Variants in CHD5 observed in about 807,000 individuals in gnomAD.
The protein encoded by CHD5 is chromodomain helicase DNA binding protein 5.
In CHD5, 69 loss-of-function variants were observed where a neutral mutation model predicts 230.3. The ratio of observed to expected loss-of-function variants is 0.30; its 90% CI spans 0.25 to 0.37. CHD5 has a LOEUF of 0.37. CHD5 is among the 10% of genes least tolerant of loss of function. The pLI is 1.00. For synonymous variants in CHD5, 1,064 were observed against 1,065.9 expected, an observed-to-expected ratio of 1.00 and a Z score of 0.03; for missense variants, 1,827 against 2,622.8, an observed-to-expected ratio of 0.70 and a Z score of 6.63.
chr1:6,170,754 G>A (rs1667325179), intron 1 of CHD5, among the ~76,000 whole-genome samples: 1 of 152,214 alleles, frequency 6.6e-6, no homozygotes, highest in Admixed American at 6.5e-5. Flanking sequence ...CTGATCACTA[G>A]TGTGGAAAGG....
rs748643039 is a variant in CHD5, at chr1:6,122,883, A to G, written c.4699+1065T>C. Among the ~76,000 whole-genome samples the G allele has an allele frequency of 5.3e-4, 81 of 152,192 alleles. 1 individual carries two copies. The highest frequency in any genetic ancestry group is 1.9e-4 in the Non-Finnish European group (13 of 68,036). ...TCAGGAATTCAAGACCAGCCTGGCCAACATGGCGAAACCCCGTCTCTACTA... is the reference window on the plus strand; with the variant it reads ...TCAGGAATTCAAGACCAGCCTGGCCGACATGGCGAAACCCCGTCTCTACTA... On this transcript the variant is annotated intron_variant, in intron 31 of 41. Coordinates refer to ENST00000262450, the MANE Select transcript of CHD5 (RefSeq NM_015557.3).
intron 35 of CHD5, 83 bp from the exon 36 acceptor site, chr1:6,111,966 A>ACGCACAGGAGG (rs1469363795): frequency 3.4e-5 from 48 of 1,412,226 alleles, no homozygotes; most frequent in Non-Finnish European, 4.2e-5. Context: ...CTCCCTCCCT[A>ACGCACAGGAGG]CTTGCCACTG....
intron 34 of CHD5, 33 bp downstream of exon 34, chr1:6,112,876 G>C (rs1488120696): frequency 6.6e-7 from 1 of 1,525,894 alleles, no homozygotes. Context: ...GGGACCATGG[G>C]GCACAGGTAG....
chr1:6,150,194 GTAGA>G (rs2100864500), intron 7 of CHD5, among the ~76,000 whole-genome samples: 2 of 113,266 alleles, frequency 1.8e-5, no homozygotes, highest in East Asian at 4.1e-4. Flanking sequence ...GGACAGAGTG[GTAGA>G]TGGATGGATG....
chr1:6,133,785 G>A (rs571056821), intron 20 of CHD5, among the ~76,000 whole-genome samples: 1 of 152,356 alleles, frequency 6.6e-6, no homozygotes, highest in Admixed American at 6.5e-5. Context: ...ATTGGAGAGA[G>A]GGGCTCCTCC....
intron 31 of CHD5, among the ~76,000 whole-genome samples, chr1:6,123,598 T>C (rs1446948442): frequency 6.6e-6 from 1 of 152,036 alleles, no homozygotes; most frequent in East Asian, 1.9e-4. Flanking sequence ...GGCTAATCTT[T>C]TGTATTTTTA....
intron 33 of CHD5, among the ~76,000 whole-genome samples, chr1:6,115,164 T>C (rs1310745419): frequency 1.3e-5 from 2 of 150,514 alleles, no homozygotes; most frequent in Non-Finnish European, 1.5e-5. Context: ...TACAAAAAAT[T>C]AGCCAGACTT....
At chr1:6,171,485 A>ACGCCT (rs1667338527) in intron 1 of CHD5, among the ~76,000 whole-genome samples, 1 of 149,948 alleles carries the variant, frequency 6.7e-6, no homozygotes, top group Non-Finnish European at 1.5e-5. Flanking sequence ...AGGTCACCAC[A>ACGCCT]CGCCTGATTC....
chr1:6,146,151 C>G lies in CHD5; in HGVS notation c.1802+61G>C. On this transcript the variant is annotated intron_variant, in intron 11 of 41. Transcript: ENST00000262450. The surrounding 1 kb of genome is among the most constrained non-coding windows in gnomAD (Gnocchi z 5.1). Reference sequence around the variant, plus strand: ...CCTGCGCTGCACCCATTTTACAGGGCAAAGAAGCTGACGTGGCCCGGCCCC... The same window carrying G: ...CCTGCGCTGCACCCATTTTACAGGGGAAAGAAGCTGACGTGGCCCGGCCCC... The G allele has an allele frequency of 6.4e-7, 1 of 1,551,766 alleles. No individual in the cohort carries two copies. The highest frequency in any genetic ancestry group is 8.8e-7 in the Non-Finnish European group (1 of 1,133,324).
intron 2 of CHD5, 61 bp from the exon 3 acceptor site, chr1:6,159,576 T>C (rs1182345823): frequency 6.9e-7 from 1 of 1,448,316 alleles, no homozygotes; most frequent in Non-Finnish European, 9.5e-7. Context: ...GAGTCCTGGG[T>C]GGCAGGACGG....
At chr1:6,160,242 AGCCAGAG>A (rs1667150538) in intron 2 of CHD5, among the ~76,000 whole-genome samples, 1 of 78,344 alleles carries the variant, frequency 1.3e-5, no homozygotes, top group African/African-American at 8.7e-5. Flanking sequence ...GAAGGGCCCC[AGCCAGAG>A]AAGGAGAGCC....
Position 6,134,955 on chromosome 1 carries a change from A to C in CHD5, c.2871-96T>G. ...TGGGGCTGGAAGCTGGTGGCCAAGCACCCATTTACAGAGAGACCCAAGGGA... is the reference window on the plus strand; with the variant it reads ...TGGGGCTGGAAGCTGGTGGCCAAGCCCCCATTTACAGAGAGACCCAAGGGA... On this transcript the variant is annotated intron_variant, in intron 18 of 41. Transcript: ENST00000262450. This position sits in a 1 kb window ranked among gnomAD's most constrained non-coding sequence, Gnocchi z 6.3. 6.6e-7 allele frequency: 1 copy of C among 1,514,618 alleles called. No homozygotes were observed. Among genetic ancestry groups the C allele is most frequent in the Non-Finnish European group, 9.1e-7 (1 of 1,103,436 alleles). 93.8% of individuals were successfully genotyped at this position (1,514,618 alleles called of 1,614,324 possible).
At chr1:6,115,733 T>G (rs1666368924) in intron 33 of CHD5, among the ~76,000 whole-genome samples, 1 of 152,172 alleles carries the variant, frequency 6.6e-6, no homozygotes, top group African/African-American at 2.4e-5. Context: ...GGCCTCCAGA[T>G]GAGAACTCAA....
At chr1:6,176,353 G>A (rs77143719) in intron 1 of CHD5, among the ~76,000 whole-genome samples, 9,414 of 152,222 alleles carry the variant, frequency 0.062, 397 homozygotes, top group East Asian at 0.16. Context: ...GAGAGGTAAC[G>A]GTGCCTAGTC....
At chr1:6,123,388 T>C (rs6697522) in intron 31 of CHD5, among the ~76,000 whole-genome samples, 26,408 of 151,786 alleles carry the variant, frequency 0.17, 2,621 homozygotes, top group East Asian at 0.38. Flanking sequence ...GCAGTGGCGA[T>C]GGTTGTACAC....
chr1:6,170,790 A>C (rs988380869), intron 1 of CHD5, among the ~76,000 whole-genome samples: 1 of 152,064 alleles, frequency 6.6e-6, no homozygotes, highest in Non-Finnish European at 1.5e-5. Flanking sequence ...CCAGCTGAAA[A>C]CGTGCACGGG....
At position 6,109,809 on chromosome 1, in the gene CHD5, G is replaced by A; in HGVS notation, c.5564C>T (p.Ala1855Val). Reference protein sequence around the residue: ...ESLAGNKPANAVLHKVLNQLE... With the variant: ...ESLAGNKPANVVLHKVLNQLE... ...GACTTGCTCACCCTTGTGCAGGACGGCATTGGCAGGCTTGTTCCCAGCAAG... is the reference window on the plus strand; with the variant it reads ...GACTTGCTCACCCTTGTGCAGGACGACATTGGCAGGCTTGTTCCCAGCAAG... The change falls in exon 38 of 42, where the codon GCC (alanine) becomes GTC (valine). Residue 1855 changes from alanine to valine, a missense_variant. Ala to Val is a moderately conservative substitution (Grantham distance 64). Coordinates refer to ENST00000262450, the MANE Select transcript of CHD5 (RefSeq NM_015557.3). 6.2e-7 allele frequency: 1 copy of A among 1,612,484 alleles called. No individual in the cohort carries two copies.
In CHD5 at chr1:6,103,873, T is replaced by C. The variant is rs941110561; in HGVS notation, c.*1601A>G. 6.6e-6 allele frequency: 1 copy of C among 151,854 alleles called. No homozygotes were observed. Among genetic ancestry groups the C allele is most frequent in the Admixed American group, 6.6e-5 (1 of 15,250 alleles). The allele number at this position is 151,854 out of a possible 1,614,324, so 9.4% of individuals were successfully genotyped here. A position where few individuals can be genotyped will look rare whatever the true frequency, so the allele number is the denominator to read the frequency against. ...AGGGAGGGCCAGGCAATCGCTCCAG[T>C]GTCTGCAACACAAGCTGGTGAATCC... On this transcript the variant is annotated 3_prime_UTR_variant, in exon 42 of 42. Transcript: ENST00000262450.
At chr1:6,177,385 A>G (rs1667442982) in intron 1 of CHD5, among the ~76,000 whole-genome samples, 2 of 152,230 alleles carry the variant, frequency 1.3e-5, no homozygotes, top group South Asian at 4.1e-4. Flanking sequence ...CCCAGCCCTC[A>G]GACACTGAAA....
Sources: gnomAD v4.1 joint callset for allele counts (sites outside exome capture counted in the v4.1 genomes callset) on GRCh38, gnomAD v4.1.1 for gene constraint, Gnocchi (gnomAD v3.1) non-coding constraint, MANE v1.5 for transcripts, NCBI Gene and HGNC (gene_info 2026-07-23, HGNC 2026-07-21) for gene names.